Variants in DPP6 observed in about 807,000 individuals in gnomAD.
The protein encoded by DPP6 is A-type potassium channel modulatory protein DPP6.
DPP6 carries 69 observed loss-of-function variants against 122.6 expected under a neutral mutation model. The observed-to-expected ratio is 0.56, with a 90% CI of 0.46 to 0.69. The LOEUF is 0.69. DPP6 is among the 30% of genes least tolerant of loss of function. The pLI, the probability that DPP6 is intolerant of heterozygous loss-of-function variation, is 0.00. For synonymous variants in DPP6, 418 were observed against 433.1 expected (o/e 0.97, Z 0.43); for missense variants, 928 against 1,116.9 (o/e 0.83, Z 2.41).
chr7:154,207,523 C>T (rs772862249), intron 1 of DPP6, among the ~76,000 whole-genome samples: 4 of 152,198 alleles, frequency 2.6e-5, no homozygotes, highest in Non-Finnish European at 4.4e-5. Flanking sequence ...TCACGGACAC[C>T]TCTGAAGACC....
intron 5 of DPP6, among the ~76,000 whole-genome samples, chr7:154,593,845 G>C (rs1168111154): frequency 6.6e-6 from 1 of 152,238 alleles, no homozygotes; most frequent in African/African-American, 2.4e-5. Flanking sequence ...GATCAAGCTA[G>C]TGAACTGGAT....
chr7:154,887,627 A>T, intron 22 of DPP6, 49 bp from the exon 23 acceptor site: 1 of 1,605,174 alleles, frequency 6.2e-7, no homozygotes, highest in Non-Finnish European at 8.5e-7. Context: ...GGCTGCGCTC[A>T]CAGGGCCTCG....
chr7:154,479,874 C>A (rs1029783134), intron 3 of DPP6, among the ~76,000 whole-genome samples: 2 of 152,042 alleles, frequency 1.3e-5, no homozygotes, highest in African/African-American at 4.8e-5. Context: ...AATTGCAAAT[C>A]TCACCTTCTC....
chr7:154,766,565 C>T (rs781731015), intron 8 of DPP6, among the ~76,000 whole-genome samples: 10 of 152,302 alleles, frequency 6.6e-5, no homozygotes, highest in Middle Eastern at 3.4e-3. Context: ...CCTCAGCCTC[C>T]CAAAGTGCTG....
At chr7:154,208,326 C>A (rs1412681505) in intron 1 of DPP6, among the ~76,000 whole-genome samples, 1 of 152,118 alleles carries the variant, frequency 6.6e-6, no homozygotes, top group Non-Finnish European at 1.5e-5. Context: ...TTTCCTTGGC[C>A]AAAAATAGAG....
intron 1 of DPP6, among the ~76,000 whole-genome samples, chr7:154,210,022 T>C (rs73485461): frequency 0.045 from 6,901 of 152,216 alleles, 249 homozygotes; most frequent in African/African-American, 0.1. Context: ...ATCTTCAAAC[T>C]CCACCCTCTC....
At chr7:154,071,312 C>T (rs1014522289) in intron 1 of DPP6, among the ~76,000 whole-genome samples, 1 of 152,146 alleles carries the variant, frequency 6.6e-6, no homozygotes, top group African/African-American at 2.4e-5. Context: ...TTTCATTATT[C>T]TCATTTTACA....
In DPP6 at chr7:154,062,028, AC is replaced by A. The variant is rs1348276646; in HGVS notation, c.243+8971del. On this transcript the variant is annotated intron_variant, in intron 1 of 25. Coordinates refer to ENST00000377770, the MANE Select transcript of DPP6 (RefSeq NM_130797.4). ...ACCCCCATCGCAGGGGGGGGGAGGCACCCCCCGCGAGGCAGGGACTGACAGC... is the reference window on the plus strand; with the variant it reads ...ACCCCCATCGCAGGGGGGGGGAGGCACCCCCGCGAGGCAGGGACTGACAGC... Among the ~76,000 whole-genome samples, 60 of 87,918 alleles carry A rather than the reference AC, an allele frequency of 6.8e-4. 4 individuals carry two copies. Among genetic ancestry groups the A allele is most frequent in the East Asian group, 3.0e-3 (9 of 3,032 alleles). 57.7% of individuals were successfully genotyped at this position (87,918 alleles called of 152,430 possible).
rs191248529 is a variant in DPP6 at position 154,078,492 on chromosome 7, A to G, written c.243+25429A>G. ...TGAAAGTGTCTTAGATACGAGCAAT[A>G]TGGGGAGAGAGCCAGCAACTGAGTT... On this transcript the variant is annotated intron_variant, in intron 1 of 25. Transcript: ENST00000377770. 2.3e-3 allele frequency among the ~76,000 whole-genome samples: 351 copies of G among 152,094 alleles called. 3 individuals are homozygous for G. The highest frequency in any genetic ancestry group is 8.2e-3 in the African/African-American group (339 of 41,480).
intron 1 of DPP6, among the ~76,000 whole-genome samples, chr7:154,236,011 C>G (rs1801191248): frequency 6.6e-6 from 1 of 152,090 alleles, no homozygotes; most frequent in African/African-American, 2.4e-5. Flanking sequence ...CGCCACTACT[C>G]CCGGCTAATT....
chr7:154,304,545 G>A (rs1036803357), intron 1 of DPP6, among the ~76,000 whole-genome samples: 6 of 151,648 alleles, frequency 4.0e-5, no homozygotes, highest in Non-Finnish European at 4.4e-5. Flanking sequence ...TTTCTGTAAG[G>A]TCATCACACA....
chr7:154,345,911 G>T (rs1810358133), intron 1 of DPP6, among the ~76,000 whole-genome samples: 1 of 152,172 alleles, frequency 6.6e-6, no homozygotes, highest in Non-Finnish European at 1.5e-5. Context: ...CGCATGCAAA[G>T]TACCTTCTAA....
rs113322001 is a variant in DPP6, at chr7:154,856,005, C to T, written c.1714+2178C>T. The stretch of plus-strand genomic sequence containing the variant: ...GCAGCCTCCCGGGTTAGCTGTTGCC[C>T]GATGGTTCTGTGAGATGCCACCACT... On this transcript the variant is annotated intron_variant, in intron 17 of 25. Transcript: ENST00000377770. Among the ~76,000 whole-genome samples, 818 of 152,194 alleles carry T rather than the reference C, an allele frequency of 5.4e-3. 7 individuals are homozygous for T. The highest frequency in any genetic ancestry group is 0.019 in the African/African-American group (785 of 41,504).
chr7:153,874,523 G>C, the DPP6 span, among the ~76,000 whole-genome samples: 3 of 152,058 alleles, frequency 2.0e-5, no homozygotes, highest in African/African-American at 7.2e-5. Context: ...TTGCAGGTGT[G>C]TGCCACTGTG....
chr7:154,295,971 G>T, intron 1 of DPP6, among the ~76,000 whole-genome samples: 1 of 134,402 alleles, frequency 7.4e-6, no homozygotes, highest in South Asian at 2.4e-4. Context: ...TTGAGACAGA[G>T]TCTCTCTCTG....
rs189175684 is a variant in DPP6, at chr7:153,954,230, G to A, written c.51+66496G>A. Among the ~76,000 whole-genome samples, 6 of 152,258 alleles carry A rather than the reference G, an allele frequency of 3.9e-5. No homozygotes were observed. In the East Asian group the frequency reaches 1.2e-3, roughly 29 times the overall value. On this transcript the variant is annotated intron_variant, in intron 1 of 25. Transcript: ENST00000404039. ...TGTTTGTCTGTAAAGTGTCACTATC[G>A]CAACTATGATGTGTGTTTCTTTGGA...
intron 1 of DPP6, among the ~76,000 whole-genome samples, chr7:154,260,799 G>C (rs1479088167): frequency 6.7e-6 from 1 of 150,336 alleles, no homozygotes; most frequent in Non-Finnish European, 1.5e-5. Flanking sequence ...AAACATGTGT[G>C]TGCAGGTATC....
intron 1 of DPP6, among the ~76,000 whole-genome samples, chr7:154,409,998 C>G (rs191781806): frequency 6.6e-6 from 1 of 152,346 alleles, no homozygotes; most frequent in African/African-American, 2.4e-5. Flanking sequence ...AGCACAGGTA[C>G]AGTCATTCTC....
chr7:154,503,222 G>A (rs942280333), intron 3 of DPP6, among the ~76,000 whole-genome samples: 2 of 152,214 alleles, frequency 1.3e-5, no homozygotes, highest in Non-Finnish European at 2.9e-5. Flanking sequence ...CCCTTTGTAT[G>A]TTTGTCCTTA....
Sources: allele counts gnomAD v4.1 joint callset (sites outside exome capture counted in the v4.1 genomes callset), GRCh38; gene constraint gnomAD v4.1.1; transcripts MANE v1.5; gene names NCBI Gene and HGNC (gene_info 2026-07-23, HGNC 2026-07-21).